Variants in USP48 observed in about 807,000 individuals in gnomAD.
USP48 encodes ubiquitin carboxyl-terminal hydrolase 48.
USP48 carries 43 observed loss-of-function variants against 150.7 expected under a neutral mutation model. The observed-to-expected ratio is 0.29, with a 90% confidence interval of 0.22 to 0.37. USP48 has a LOEUF of 0.37. Among genes scored for constraint, USP48 ranks in the 10% least tolerant of loss-of-function variants. The pLI is 1.00. For synonymous variants in USP48, 396 were observed against 425.9 expected (o/e 0.93, Z 0.86); for missense variants, 813 against 1,249.6 (o/e 0.65, Z 5.27).
Position 21,736,466 on chromosome 1 carries a change from A to C in USP48, c.1151T>G (p.Leu384Arg). Residue 384 changes from leucine to arginine, a missense_variant, in exon 9 of 27, where the codon CTA becomes CGA. Physicochemically the swap from Leu to Arg is moderately radical, Grantham distance 102. Coordinates refer to ENST00000308271, the MANE Select transcript of USP48 (RefSeq NM_032236.8). ...TTTACCTAGATCTTCCTCAATCCCT[A>C]GTTGTAATTTCTTCCCCTCCATCTT... is the stretch of plus-strand genomic sequence containing the variant. ...IEKMEGKKLQ[L>R]GIEEDLAEPS... 2 of 1,611,442 alleles carry C rather than the reference A, an allele frequency of 1.2e-6. No individual in the cohort carries two copies. Among genetic ancestry groups the C allele is most frequent in the Non-Finnish European group, 1.7e-6 (2 of 1,179,138 alleles).
chr1:21,757,544 T>A, intron 2 of USP48, 119 bp downstream of exon 2: 2 of 1,133,128 alleles, frequency 1.8e-6, no homozygotes, highest in Non-Finnish European at 2.4e-6. Flanking sequence ...CTACTGCTTA[T>A]CTTAAAGCTG....
chr1:21,718,358 T>C (rs190506201), intron 14 of USP48, among the ~76,000 whole-genome samples: 7 of 152,330 alleles, frequency 4.6e-5, no homozygotes, highest in Non-Finnish European at 2.9e-5. Flanking sequence ...TTGTATCTGG[T>C]GGGAAGGCTT....
chr1:21,748,588 A>G (rs1449939665), intron 6 of USP48, among the ~76,000 whole-genome samples: 3 of 152,226 alleles, frequency 2.0e-5, no homozygotes, highest in Admixed American at 1.3e-4. Context: ...AAGAAATGTC[A>G]CATGTATTTT....
In USP48 at chr1:21,725,522, C is replaced by T. The variant is rs371689822; in HGVS notation, c.1451-1427G>A. Among the ~76,000 whole-genome samples the T allele has an allele frequency of 3.3e-4, 50 of 152,186 alleles. No homozygotes were observed. In the South Asian group the frequency reaches 3.7e-3, roughly 11 times the overall value. ...ATCCTAGCACTTTGGGAGGCCGAGG[C>T]GGGCAGATCACCTGAGGTCCAGAGT... On this transcript the variant is annotated intron_variant, in intron 11 of 26. Coordinates refer to ENST00000308271, the MANE Select transcript of USP48 (RefSeq NM_032236.8).
At chr1:21,691,097 C>T (rs1390943182) in intron 23 of USP48, among the ~76,000 whole-genome samples, 1 of 152,056 alleles carries the variant, frequency 6.6e-6, no homozygotes, top group East Asian at 1.9e-4. Flanking sequence ...GACGGATCAC[C>T]TCACGTCAGG....
At chr1:21,772,492 G>A (rs986035758) in intron 1 of USP48, among the ~76,000 whole-genome samples, 4 of 151,444 alleles carry the variant, frequency 2.6e-5, no homozygotes, top group Admixed American at 2.0e-4. Context: ...GCGTGGTGGC[G>A]GGCGCCTGTA....
chr1:21,727,426 G>A (rs996168682), intron 11 of USP48, among the ~76,000 whole-genome samples: 13 of 152,192 alleles, frequency 8.5e-5, no homozygotes, highest in Non-Finnish European at 1.8e-4. Context: ...AGGAAGCACA[G>A]TGCTAACTTG....
rs998088234 is a variant in USP48, at chr1:21,733,789, CT to C, written c.1171+2656del. 6.2e-3 allele frequency among the ~76,000 whole-genome samples: 915 copies of C among 146,702 alleles called. 10 individuals are homozygous for C. Among genetic ancestry groups the C allele is most frequent in the African/African-American group, 0.021 (835 of 40,046 alleles). On this transcript the variant is annotated intron_variant, in intron 9 of 26. Transcript: ENST00000308271. ...ACATAATTTTTCACAATTTAAAGTT[CT>C]TTTTTTTTTTCTTTTTTTTCAGACA...
intron 8 of USP48, among the ~76,000 whole-genome samples, chr1:21,744,862 A>G (rs1048830907): frequency 2.0e-5 from 3 of 151,076 alleles, no homozygotes; most frequent in African/African-American, 2.4e-5. Context: ...GTCAGGGGCT[A>G]ATGTTCAAAA....
At chr1:21,770,728 T>C (rs1351457849) in intron 1 of USP48, among the ~76,000 whole-genome samples, 1 of 151,658 alleles carries the variant, frequency 6.6e-6, no homozygotes, top group East Asian at 2.0e-4. Flanking sequence ...GTGATCCGCC[T>C]GCATCGGCCT....
intron 8 of USP48, among the ~76,000 whole-genome samples, chr1:21,740,824 C>T (rs1257029113): frequency 6.6e-6 from 1 of 152,046 alleles, no homozygotes; most frequent in South Asian, 2.1e-4. Flanking sequence ...AATCAAATGA[C>T]GAAGAACCAA....
chr1:21,747,214 A>G lies in USP48; in HGVS notation c.909-65T>C, dbSNP rs2097796583. ...AATCATAATACAATATATAAGCTCTATTAGCTATTTTAATAAACTCAACAG... is the reference window on the plus strand; with the variant it reads ...AATCATAATACAATATATAAGCTCTGTTAGCTATTTTAATAAACTCAACAG... On this transcript the variant is annotated intron_variant, in intron 7 of 26. Transcript: ENST00000308271. 3.4e-6 allele frequency: 4 copies of G among 1,166,076 alleles called. No homozygotes were observed. The South Asian group carries it at 4.3e-5, about 13-fold the overall frequency. The allele number at this position is 1,166,076 out of a possible 1,614,324, so 72.2% of individuals were successfully genotyped here.
In USP48 at chr1:21,703,626, GGA is replaced by G; in HGVS notation, c.2516-10_2516-9del. ...TGCATTCTGGACAGAGTTCTTTGGG[GGA>G]AAAAAAAAAAGGGAAAACAGAAGTG... On this transcript the variant is annotated splice_polypyrimidine_tract_variant and intron_variant, in intron 20 of 26. Transcript: ENST00000308271. 6.4e-7 allele frequency: 1 copy of G among 1,574,488 alleles called. No homozygotes were observed. Among genetic ancestry groups the G allele is most frequent in the East Asian group, 2.2e-5 (1 of 44,620 alleles).
chr1:21,741,745 G>C (rs1174710314), intron 8 of USP48, among the ~76,000 whole-genome samples: 1 of 152,174 alleles, frequency 6.6e-6, no homozygotes, highest in Non-Finnish European at 1.5e-5. Context: ...GTGAGCCGAG[G>C]CAAGAGGACT....
intron 1 of USP48, among the ~76,000 whole-genome samples, chr1:21,779,521 G>A (rs1018318522): frequency 6.6e-6 from 1 of 151,786 alleles, no homozygotes; most frequent in Admixed American, 6.6e-5. Flanking sequence ...ACTCCAGCCT[G>A]GGCAACACAG....
At chr1:21,765,305 A>C (rs1197659051) in intron 1 of USP48, among the ~76,000 whole-genome samples, 1 of 152,196 alleles carries the variant, frequency 6.6e-6, no homozygotes, top group Non-Finnish European at 1.5e-5. Flanking sequence ...CCAGGGACAC[A>C]CTTTGGCAGC....
At chr1:21,761,322 T>G (rs932742552) in intron 1 of USP48, among the ~76,000 whole-genome samples, 2 of 151,028 alleles carry the variant, frequency 1.3e-5, no homozygotes, top group Non-Finnish European at 2.9e-5. Flanking sequence ...ACTCCCATAC[T>G]GAAGTGGCAT....
chr1:21,690,049 A>G lies in USP48; in HGVS notation c.2934T>C (p.Asp978=), dbSNP rs988114355. The change falls in exon 24 of 27, where the codon GAT becomes GAC. Residue 978 remains aspartate, a synonymous_variant. Coordinates refer to ENST00000308271, the MANE Select transcript of USP48 (RefSeq NM_032236.8). ...VAPFDQNLSI[D]GKILSDDCAT... ...CACAGTCATCACTTAAAATCTTTCC[A>G]TCAATTGACAAATTCTGGTCAAAAG... is the stretch of plus-strand genomic sequence containing the variant. The G allele has an allele frequency of 6.2e-7, 1 of 1,614,054 alleles. No homozygotes were observed. Among genetic ancestry groups the G allele is most frequent in the Non-Finnish European group, 8.5e-7 (1 of 1,180,034 alleles).
At position 21,721,169 on chromosome 1, in the gene USP48, GT is replaced by G. The variant is rs1261744388; in HGVS notation, c.1764-4del. On this transcript the variant is annotated splice_region_variant and splice_polypyrimidine_tract_variant and intron_variant, in intron 13 of 26. Coordinates refer to ENST00000308271, the MANE Select transcript of USP48 (RefSeq NM_032236.8). ...TCCCCACCCAAAATCCATCGCTGCT[GT>G]GGAACAGAGAGAATGTTAAATCATA... 1.2e-5 allele frequency: 19 copies of G among 1,613,916 alleles called. No individual in the cohort carries two copies. Among genetic ancestry groups the G allele is most frequent in the Admixed American group, 5.0e-5 (3 of 59,988 alleles).
Sources: gnomAD v4.1 joint callset for allele counts (sites outside exome capture counted in the v4.1 genomes callset) on GRCh38, gnomAD v4.1.1 for gene constraint, MANE v1.5 for transcripts, NCBI Gene and HGNC (gene_info 2026-07-23, HGNC 2026-07-21) for gene names.